Variants in CLMP observed in about 807,000 individuals in gnomAD.
CLMP encodes the protein CXADR-like membrane protein.
A neutral mutation model predicts 45.2 loss-of-function variants in CLMP; 27 were observed. The observed-to-expected ratio is 0.60, with a 90% CI of 0.44 to 0.82. The LOEUF is 0.82. Ranked by LOEUF, CLMP falls within the 40% of genes least tolerant of loss-of-function variation. The probability of loss-of-function intolerance (pLI) is 0.00; values close to 1 mark genes in which losing one functional copy is unlikely to be tolerated. For missense variants in CLMP, 403 were observed against 448.4 expected (o/e 0.90, Z 0.91); for synonymous variants, 167 against 171.4 (o/e 0.97, Z 0.20).
intron 1 of CLMP, among the ~76,000 whole-genome samples, chr11:123,165,813 G>A (rs1426509184): frequency 6.6e-6 from 1 of 152,054 alleles, no homozygotes; most frequent in African/African-American, 2.4e-5. Context: ...GGACAAGCAG[G>A]ACAAGTGAGA....
chr11:123,117,951 G>A (rs75919323), intron 1 of CLMP, among the ~76,000 whole-genome samples: 3,415 of 152,096 alleles, frequency 0.022, 134 homozygotes, highest in African/African-American at 0.077. Context: ...AGAATGTGGC[G>A]GTCTTCCTCC....
intron 1 of CLMP, among the ~76,000 whole-genome samples, chr11:123,125,851 C>T (rs1476741024): frequency 5.3e-5 from 8 of 151,900 alleles, no homozygotes; most frequent in African/African-American, 2.4e-5. Context: ...TGTGATCTGC[C>T]CGCCTCCGCC....
intron 5 of CLMP, among the ~76,000 whole-genome samples, 186 bp from the exon 6 acceptor site, chr11:123,075,029 C>T (rs959579425): frequency 1.3e-5 from 2 of 151,624 alleles, no homozygotes; most frequent in African/African-American, 4.8e-5. Flanking sequence ...GATCTCGGCT[C>T]ATCGCAACCT....
intron 2 of CLMP, among the ~76,000 whole-genome samples, chr11:123,090,588 T>C (rs936259130): frequency 1.9e-4 from 29 of 152,180 alleles, no homozygotes; most frequent in Non-Finnish European, 3.7e-4. Flanking sequence ...GGGGCTGCGT[T>C]ACTTCATAGG....
intron 1 of CLMP, among the ~76,000 whole-genome samples, chr11:123,123,630 T>C (rs1860850252): frequency 6.6e-6 from 1 of 152,122 alleles, no homozygotes; most frequent in South Asian, 2.1e-4. Flanking sequence ...GCAGATTTCC[T>C]TCACCATTAG....
chr11:123,091,169 A>G (rs536748391), intron 2 of CLMP, among the ~76,000 whole-genome samples: 2 of 152,080 alleles, frequency 1.3e-5, no homozygotes, highest in South Asian at 2.1e-4. Flanking sequence ...CAGTGCCACA[A>G]TCTTGGCTCA....
chr11:123,150,534 A>AGGAAGGAAAG (rs755274349), intron 1 of CLMP, among the ~76,000 whole-genome samples: 1 of 116,258 alleles, frequency 8.6e-6, no homozygotes, highest in African/African-American at 3.5e-5. Context: ...GAAGGAAAGA[A>AGGAAGGAAAG]ACAAGCAAGG....
chr11:123,120,740 A>G (rs1860802975), intron 1 of CLMP, among the ~76,000 whole-genome samples: 1 of 152,066 alleles, frequency 6.6e-6, no homozygotes, highest in African/African-American at 2.4e-5. Flanking sequence ...GTCTCTCAGG[A>G]TATTAATCAC....
intron 4 of CLMP, 68 bp from the exon 5 acceptor site, chr11:123,083,275 T>C: frequency 7.0e-7 from 1 of 1,435,464 alleles, no homozygotes; most frequent in Non-Finnish European, 9.7e-7. Flanking sequence ...GTTTACTTTA[T>C]TGTATCACTG....
intron 1 of CLMP, among the ~76,000 whole-genome samples, chr11:123,181,069 G>A (rs1163755969): frequency 4.6e-5 from 7 of 152,242 alleles, no homozygotes; most frequent in African/African-American, 1.2e-4. Context: ...AGAACAATGC[G>A]CAATCCAGTC....
chr11:123,098,985 G>C (rs943780045), intron 1 of CLMP, among the ~76,000 whole-genome samples: 3 of 152,016 alleles, frequency 2.0e-5, no homozygotes, highest in Non-Finnish European at 4.4e-5. Context: ...GAGCCACCGC[G>C]TCCGGCCGTG....
chr11:123,124,883 T>A (rs886761716), intron 1 of CLMP, among the ~76,000 whole-genome samples: 1 of 151,880 alleles, frequency 6.6e-6, no homozygotes, highest in Admixed American at 6.6e-5. Flanking sequence ...ACATATGGAG[T>A]GGAATACAAA....
intron 1 of CLMP, 75 bp from the exon 2 acceptor site, chr11:123,098,027 G>T: frequency 8.0e-7 from 1 of 1,254,342 alleles, no homozygotes; most frequent in Non-Finnish European, 1.1e-6. Context: ...TGACAACAAA[G>T]AATTATGGGA....
In CLMP at chr11:123,089,077, C is replaced by T. The variant is rs145956115; in HGVS notation, c.187-4364G>A. Reference sequence around the variant, plus strand: ...ACAGCAAGCACTTTCAAACTGTTTTCAACAGACTCACATTAAGAAATACAT... The same window carrying T: ...ACAGCAAGCACTTTCAAACTGTTTTTAACAGACTCACATTAAGAAATACAT... On this transcript the variant is annotated intron_variant, in intron 2 of 6. Transcript: ENST00000448775. 2.9e-3 allele frequency among the ~76,000 whole-genome samples: 443 copies of T among 152,298 alleles called. 2 individuals carry two copies. The highest frequency in any genetic ancestry group is 0.01 in the African/African-American group (431 of 41,584).
At chr11:123,114,221 G>C (rs1860687021) in intron 1 of CLMP, among the ~76,000 whole-genome samples, 1 of 152,142 alleles carries the variant, frequency 6.6e-6, no homozygotes, top group Admixed American at 6.6e-5. Flanking sequence ...AGGAAGAATT[G>C]AGATTATGTT....
chr11:123,093,528 A>G (rs1865956816), intron 2 of CLMP, among the ~76,000 whole-genome samples: 1 of 145,644 alleles, frequency 6.9e-6, no homozygotes, highest in Admixed American at 6.8e-5. Context: ...TTGTGTTTTT[A>G]GTCGAGAGAG....
intron 1 of CLMP, among the ~76,000 whole-genome samples, chr11:123,157,822 C>T (rs890513175): frequency 6.6e-6 from 1 of 151,240 alleles, no homozygotes; most frequent in African/African-American, 2.4e-5. Flanking sequence ...GACCGGGACG[C>T]TGGTCTTTGG....
At chr11:123,092,401 G>A (rs1314628421) in intron 2 of CLMP, among the ~76,000 whole-genome samples, 2 of 151,958 alleles carry the variant, frequency 1.3e-5, no homozygotes, top group Non-Finnish European at 2.9e-5. Flanking sequence ...GGGTTCAAGC[G>A]ATTCTTCTGC....
intron 1 of CLMP, among the ~76,000 whole-genome samples, chr11:123,149,818 T>TC (rs1434811413): frequency 1.4e-5 from 2 of 144,808 alleles, no homozygotes. Flanking sequence ...TTTCTTTCTC[T>TC]CTTTTTTTTT....
Sources: gnomAD v4.1 joint callset for allele counts (sites outside exome capture counted in the v4.1 genomes callset) on GRCh38, gnomAD v4.1.1 for gene constraint, MANE v1.5 for transcripts, NCBI Gene and HGNC (gene_info 2026-07-23, HGNC 2026-07-21) for gene names.